The following CUBN variants were observed in gnomAD, a reference collection of about 807,000 sequenced individuals.
The protein encoded by CUBN is cubilin, also known as 460 kDa receptor.
CUBN carries 282 observed loss-of-function variants against 405.3 expected under a neutral mutation model. The ratio of observed to expected loss-of-function variants is 0.70; its 90% CI spans 0.63 to 0.77. The LOEUF (loss-of-function observed/expected upper bound fraction) is 0.77, where lower values mean the gene tolerates loss of function less well. Ranked by LOEUF, CUBN falls within the 30% of genes least tolerant of loss-of-function variation. CUBN has a pLI of 0.00. For missense variants in CUBN, 4,514 were observed against 4,475.2 expected, an observed-to-expected ratio of 1.01 and a Z score of -0.25; for synonymous variants, 1,684 against 1,617.0, an observed-to-expected ratio of 1.04 and a Z score of -0.99.
At position 17,083,516 on chromosome 10, in the gene CUBN, A is replaced by AATAAATAAATACATACATACATACATAC. The variant is rs59957943; in HGVS notation, c.2301+754_2301+755insGTATGTATGTATGTATGTATTTATTTAT. On this transcript the variant is annotated intron_variant, in intron 17 of 66. Transcript: ENST00000377833. ...GCGAAACTCCGTCTCAAAATAAATA[A>AATAAATAAATACATACATACATACATAC]ATACATACATACATACATACATACA... is the stretch of plus-strand genomic sequence containing the variant. 8.3e-3 allele frequency among the ~76,000 whole-genome samples: 1,184 copies of AATAAATAAATACATACATACATACATAC among 142,696 alleles called. 7 individuals carry two copies. The highest frequency in any genetic ancestry group is 0.014 in the South Asian group (61 of 4,310). 93.6% of individuals were successfully genotyped at this position (142,696 alleles called of 152,430 possible).
Position 16,840,375 on chromosome 10 carries a change from C to A in CUBN, c.9987G>T (p.Ser3329=). 2.5e-6 allele frequency: 4 copies of A among 1,614,076 alleles called. No individual in the cohort carries two copies. The highest frequency in any genetic ancestry group is 3.4e-6 in the Non-Finnish European group (4 of 1,180,022). Residue 3329 remains serine (S), a synonymous_variant, in exon 62 of 67, where the codon TCG becomes TCT. Transcript: ENST00000377833. ...KITVWALQLT[S]QDCTQNYLQL... is the part of the protein sequence containing the mutation. ...GTAAGTAATTCTGCGTGCAGTCTTG[C>A]GAGGTCAGCTGTAATGCCCACACAG...
intron 48 of CUBN, among the ~76,000 whole-genome samples, chr10:16,913,363 T>C (rs1841787524): frequency 6.6e-6 from 1 of 152,134 alleles, no homozygotes; most frequent in African/African-American, 2.4e-5. Flanking sequence ...CCACTGGAGG[T>C]TGGTGACATG....
At chr10:17,045,405 G>A (rs182889494) in intron 24 of CUBN, among the ~76,000 whole-genome samples, 1 of 149,126 alleles carries the variant, frequency 6.7e-6, no homozygotes, top group South Asian at 2.1e-4. Context: ...GGTCACTCAG[G>A]CTGGAATGCA....
At chr10:16,973,669 G>A (rs1258803884) in intron 31 of CUBN, among the ~76,000 whole-genome samples, 4 of 152,096 alleles carry the variant, frequency 2.6e-5, no homozygotes, top group Non-Finnish European at 5.9e-5. Context: ...AGGCCCTGGC[G>A]CCTGTTGTTC....
intron 22 of CUBN, among the ~76,000 whole-genome samples, chr10:17,060,243 T>A (rs1284523399): frequency 1.3e-5 from 2 of 152,126 alleles, no homozygotes; most frequent in African/African-American, 4.8e-5. Flanking sequence ...TGCCTCAGCC[T>A]CCCAAGTGGC....
chr10:16,928,707 T>C (rs1416250859), intron 40 of CUBN, among the ~76,000 whole-genome samples: 2 of 151,990 alleles, frequency 1.3e-5, no homozygotes, highest in Admixed American at 1.3e-4. Flanking sequence ...TTATTGTATT[T>C]TTAGTAGAGG....
chr10:17,032,892 C>A (rs1383808020), intron 27 of CUBN, among the ~76,000 whole-genome samples: 1 of 152,116 alleles, frequency 6.6e-6, no homozygotes, highest in Admixed American at 6.5e-5. Flanking sequence ...TGATGTCTCC[C>A]TTTCCTTCAT....
intron 17 of CUBN, among the ~76,000 whole-genome samples, chr10:17,074,412 A>G (rs992502258): frequency 2.0e-5 from 3 of 152,206 alleles, no homozygotes; most frequent in Non-Finnish European, 4.4e-5. Context: ...AGGCAGCCTG[A>G]AATGTGAGCG....
Position 16,907,365 on chromosome 10 carries a change from C to T in CUBN, c.7705+143G>A, listed in dbSNP as rs958483615. ...TTTCTGTCTGCAGTGCGTTTTTCAT[C>T]TGCTTATGTGTGTTTGTCTTATGTC... On this transcript the variant is annotated intron_variant, in intron 49 of 66. Transcript: ENST00000377833. The T allele has an allele frequency of 3.4e-5, 28 of 817,058 alleles. No individual in the cohort carries two copies. In the African/African-American group the frequency reaches 4.6e-4, roughly 13 times the overall value. The allele number at this position is 817,058 out of a possible 1,614,324, so 50.6% of individuals were successfully genotyped here. A position where few individuals can be genotyped will look rare whatever the true frequency, so the allele number is the denominator to read the frequency against.
intron 26 of CUBN, among the ~76,000 whole-genome samples, chr10:17,042,321 G>C (rs560362436): frequency 1.7e-4 from 26 of 152,090 alleles, no homozygotes; most frequent in African/African-American, 6.0e-4. Context: ...CACGTGCCTC[G>C]ATGACTAGGG....
At chr10:17,022,232 C>T (rs1310254097) in intron 27 of CUBN, among the ~76,000 whole-genome samples, 1 of 152,192 alleles carries the variant, frequency 6.6e-6, no homozygotes, top group East Asian at 1.9e-4. Context: ...GTTCTCAAAT[C>T]GGCTGCTCAT....
At chr10:16,906,880 C>T (rs991134917) in intron 49 of CUBN, among the ~76,000 whole-genome samples, 3 of 152,158 alleles carry the variant, frequency 2.0e-5, no homozygotes, top group Admixed American at 6.5e-5. Context: ...AATGAAATAA[C>T]TTAGCGTTTT....
intron 17 of CUBN, among the ~76,000 whole-genome samples, chr10:17,080,236 T>C (rs1487038183): frequency 2.6e-5 from 4 of 152,216 alleles, no homozygotes; most frequent in South Asian, 2.1e-4. Context: ...CACTTGGGCA[T>C]TTTAAAATGT....
chr10:16,869,559 G>C (rs1840288242), intron 59 of CUBN, 77 bp downstream of exon 59: 2 of 916,458 alleles, frequency 2.2e-6, no homozygotes, highest in Non-Finnish European at 3.3e-6. Context: ...GGTGGGGGTG[G>C]GGGGGGGGCG....
At chr10:17,008,727 T>C in intron 28 of CUBN, among the ~76,000 whole-genome samples, 1 of 152,110 alleles carries the variant, frequency 6.6e-6, no homozygotes, top group Non-Finnish European at 1.5e-5. Context: ...TCAGATGCCC[T>C]GTGTGTGCCC....
At chr10:16,973,983 G>A (rs1588538180) in intron 31 of CUBN, among the ~76,000 whole-genome samples, 1 of 152,100 alleles carries the variant, frequency 6.6e-6, no homozygotes, top group Non-Finnish European at 1.5e-5. Flanking sequence ...ACTTCTAAGT[G>A]CATTTCTGCT....
intron 35 of CUBN, 37 bp downstream of exon 35, chr10:16,948,441 C>G (rs761665905): frequency 1.2e-6 from 2 of 1,612,764 alleles, no homozygotes; most frequent in Admixed American, 3.3e-5. Flanking sequence ...TACCACATCC[C>G]TTTTAACCGC....
At chr10:17,119,329 G>T (rs897286590) in intron 6 of CUBN, among the ~76,000 whole-genome samples, 1 of 152,164 alleles carries the variant, frequency 6.6e-6, no homozygotes, top group Non-Finnish European at 1.5e-5. Flanking sequence ...ATCCATGCAT[G>T]GCAAGCTCAG....
intron 28 of CUBN, among the ~76,000 whole-genome samples, chr10:16,991,593 A>G (rs1224625383): frequency 6.6e-6 from 1 of 151,406 alleles, no homozygotes; most frequent in African/African-American, 2.4e-5. Context: ...GATTAACAAA[A>G]CATTTTTTGC....
Sources: gnomAD v4.1 joint callset for allele counts (sites outside exome capture counted in the v4.1 genomes callset) on GRCh38, gnomAD v4.1.1 for gene constraint, MANE v1.5 for transcripts, NCBI Gene and HGNC (gene_info 2026-07-23, HGNC 2026-07-21) for gene names.